Variants in GABRG2 observed in about 807,000 individuals in gnomAD.
GABRG2 encodes the protein gamma-aminobutyric acid receptor subunit gamma-2.
In GABRG2, 16 loss-of-function variants were observed where a neutral mutation model predicts 56.4. The ratio of observed to expected loss-of-function variants is 0.28; its 90% confidence interval spans 0.19 to 0.43. The LOEUF is 0.43. Ranked by LOEUF, GABRG2 falls within the 20% of genes least tolerant of loss-of-function variation. GABRG2 has a pLI of 1.00. For synonymous variants in GABRG2, 208 were observed against 205.5 expected, an observed-to-expected ratio of 1.01 and a Z score of -0.10; for missense variants, 327 against 582.7, an observed-to-expected ratio of 0.56 and a Z score of 4.52.
chr5:162,103,418 C>A, intron 5 of GABRG2: 2 of 157,338 alleles, frequency 1.3e-5, no homozygotes, highest in Admixed American at 1.2e-4. Context: ...TTACGTTTTC[C>A]AACTATCTTC....
intron 4 of GABRG2, chr5:162,100,533 A>G (rs559231781): frequency 1.3e-5 from 2 of 152,186 alleles, no homozygotes; most frequent in African/African-American, 4.8e-5. Flanking sequence ...TGAGACTGAG[A>G]AAATCTGTAT....
intron 1 of GABRG2, among the ~76,000 whole-genome samples, chr5:162,077,073 C>T (rs973501052): frequency 6.8e-6 from 1 of 146,638 alleles, no homozygotes; most frequent in African/African-American, 2.5e-5. Context: ...ACAACTACCC[C>T]TGTGTGTGTG....
intron 1 of GABRG2, among the ~76,000 whole-genome samples, chr5:162,077,726 C>T (rs1759249225): frequency 1.3e-5 from 2 of 152,116 alleles, no homozygotes; most frequent in Non-Finnish European, 1.5e-5. Flanking sequence ...TAATGGGTAG[C>T]TTGGTAATTG....
chr5:162,081,810 G>T (rs1487107551), intron 1 of GABRG2, among the ~76,000 whole-genome samples: 1 of 151,924 alleles, frequency 6.6e-6, no homozygotes, highest in Admixed American at 6.6e-5. Context: ...TACATAGCTA[G>T]TATGAATGAA....
chr5:162,154,826 C>G lies in GABRG2; in HGVS notation c.*1458C>G, dbSNP rs1419685951. The G allele has an allele frequency of 1.3e-5, 2 of 150,348 alleles. No homozygotes were observed. Among genetic ancestry groups the G allele is most frequent in the Non-Finnish European group, 3.0e-5 (2 of 67,612 alleles). 9.3% of individuals were successfully genotyped at this position (150,348 alleles called of 1,614,324 possible). A position where few individuals can be genotyped will look rare whatever the true frequency, so the allele number is the denominator to read the frequency against. ...AGTATTGAAGATTAGCTTTTAAAAA[C>G]TGAAAAAAAAAAATGAATGACTCAC... On this transcript the variant is annotated 3_prime_UTR_variant, in exon 10 of 10. Coordinates refer to ENST00000639213, the MANE Select transcript of GABRG2 (RefSeq NM_198904.4).
intron 6 of GABRG2, among the ~76,000 whole-genome samples, chr5:162,117,489 G>A (rs2113460982): frequency 1.3e-5 from 2 of 152,150 alleles, no homozygotes; most frequent in South Asian, 4.1e-4. Context: ...GTAAGAGGAA[G>A]ATATTGTCAA....
At chr5:162,111,859 G>T (rs1054128351) in intron 6 of GABRG2, among the ~76,000 whole-genome samples, 1 of 152,036 alleles carries the variant, frequency 6.6e-6, no homozygotes, top group African/African-American at 2.4e-5. Context: ...CAACAATGAA[G>T]TATTAGCACT....
At chr5:162,076,415 C>G (rs1453001970) in intron 1 of GABRG2, among the ~76,000 whole-genome samples, 11 of 152,066 alleles carry the variant, frequency 7.2e-5, no homozygotes. Context: ...TCTTCAGTTT[C>G]TTGCTTTGAC....
Position 162,093,696 on chromosome 5 carries a change from C to A in GABRG2, c.108-132C>A, listed in dbSNP as rs1340527599. 6 of 842,652 alleles carry A rather than the reference C, an allele frequency of 7.1e-6. No homozygotes were observed. The East Asian group carries it at 1.3e-4, about 19-fold the overall frequency. 52.2% of individuals were successfully genotyped at this position (842,652 alleles called of 1,614,324 possible). A position where few individuals can be genotyped will look rare whatever the true frequency, so the allele number is the denominator to read the frequency against. ...ATCTATGCAGTTTAATTAGCACAAC[C>A]CTCAAGGGAGAATTTTCAGTTTAAA... is the stretch of plus-strand genomic sequence containing the variant. On this transcript the variant is annotated intron_variant, in intron 1 of 9. Transcript: ENST00000639213.
chr5:162,140,598 C>A (rs1268443168), intron 6 of GABRG2, among the ~76,000 whole-genome samples: 1 of 152,208 alleles, frequency 6.6e-6, no homozygotes, highest in Admixed American at 6.5e-5. Flanking sequence ...ACAAAGCCAA[C>A]TAATCAAGCT....
chr5:162,115,354 C>T (rs923645565), intron 6 of GABRG2, among the ~76,000 whole-genome samples: 1 of 152,146 alleles, frequency 6.6e-6, no homozygotes, highest in Non-Finnish European at 1.5e-5. Flanking sequence ...TGGGTATTTG[C>T]GTTCTCTATG....
chr5:162,096,070 C>T (rs1055170282), intron 3 of GABRG2, among the ~76,000 whole-genome samples: 1 of 151,704 alleles, frequency 6.6e-6, no homozygotes, highest in African/African-American at 2.4e-5. Flanking sequence ...TACAACATAA[C>T]ATAAGGTAAT....
At chr5:162,124,026 AAAGCAAT>A in intron 6 of GABRG2, among the ~76,000 whole-genome samples, 1 of 152,046 alleles carries the variant, frequency 6.6e-6, no homozygotes, top group East Asian at 1.9e-4. Flanking sequence ...AACTAGGGTT[AAAGCAAT>A]GCTCAGTAGA....
chr5:162,149,478 A>T (rs1462266887), intron 8 of GABRG2, 165 bp downstream of exon 8: 1 of 734,526 alleles, frequency 1.4e-6, no homozygotes, highest in East Asian at 2.6e-5. Context: ...GTCATTAGTT[A>T]CTTGAGAGAG....
intron 1 of GABRG2, among the ~76,000 whole-genome samples, chr5:162,080,518 C>G (rs1212776814): frequency 6.6e-6 from 1 of 152,092 alleles, no homozygotes; most frequent in East Asian, 1.9e-4. Flanking sequence ...ATGAAAAAGT[C>G]TAGGGGAAGA....
intron 1 of GABRG2, among the ~76,000 whole-genome samples, chr5:162,079,228 C>A (rs559009121): frequency 5.3e-5 from 8 of 152,158 alleles, no homozygotes; most frequent in African/African-American, 1.9e-4. Flanking sequence ...AGCTCAATTT[C>A]TCTGATGACC....
chr5:162,086,611 C>G (rs1760136575), intron 1 of GABRG2, among the ~76,000 whole-genome samples: 1 of 151,990 alleles, frequency 6.6e-6, no homozygotes, highest in Non-Finnish European at 1.5e-5. Context: ...TCCTCTTTCT[C>G]TTACCTCAAA....
chr5:162,132,844 G>C (rs1296331016), intron 6 of GABRG2, among the ~76,000 whole-genome samples: 1 of 151,942 alleles, frequency 6.6e-6, no homozygotes, highest in African/African-American at 2.4e-5. Context: ...AGGTAAATTA[G>C]ATCTGTTAGT....
chr5:162,097,485 C>A (rs1260679177), intron 3 of GABRG2, among the ~76,000 whole-genome samples, 153 bp from the exon 4 acceptor site: 2 of 152,120 alleles, frequency 1.3e-5, no homozygotes, highest in Non-Finnish European at 2.9e-5. Context: ...AGACAGTAAC[C>A]TCCTCAGCAA....
Sources: allele counts gnomAD v4.1 joint callset (sites outside exome capture counted in the v4.1 genomes callset), GRCh38; gene constraint gnomAD v4.1.1; transcripts MANE v1.5; gene names NCBI Gene and HGNC (gene_info 2026-07-23, HGNC 2026-07-21).